TRPM1: variants seen among roughly 807,000 people sequenced by gnomAD.
The protein encoded by TRPM1 is TRPM1-203 APA Isoform, Intron 10.
In TRPM1, 113 loss-of-function variants were observed where a neutral mutation model predicts 149.4. The observed-to-expected ratio is 0.76, with a 90% CI of 0.65 to 0.88. The LOEUF is 0.88. Ranked by LOEUF, TRPM1 falls within the 40% of genes least tolerant of loss-of-function variation. TRPM1 has a pLI of 0.00. For missense variants in TRPM1, 1,976 were observed against 2,038.7 expected, an observed-to-expected ratio of 0.97 and a Z score of 0.59; for synonymous variants, 741 against 759.5, an observed-to-expected ratio of 0.98 and a Z score of 0.40.
chr15:31,130,755 A>G (rs1020117448), intron 1 of TRPM1, among the ~76,000 whole-genome samples: 1 of 152,088 alleles, frequency 6.6e-6, no homozygotes, highest in Non-Finnish European at 1.5e-5. Flanking sequence ...TTGCCCCTCT[A>G]TGATTTCATC....
Position 31,049,429 on chromosome 15 carries a change from T to C in TRPM1, c.1518A>G (p.Gly506=). The C allele has an allele frequency of 6.2e-7, 1 of 1,614,162 alleles. No homozygotes were observed. The highest frequency in any genetic ancestry group is 8.5e-7 in the Non-Finnish European group (1 of 1,180,024). The change falls in exon 13 of 28, where the codon GGA becomes GGG. Residue 506 remains glycine (G), a synonymous_variant. Coordinates refer to ENST00000256552, the MANE Select transcript of TRPM1 (RefSeq NM_001252024.2). Reference sequence around the variant, plus strand: ...TGGTCAGAAAGTGTTGCATGTTCACTCCGTTTTCAATCAGGAGCTTCACAA... The same window carrying C: ...TGGTCAGAAAGTGTTGCATGTTCACCCCGTTTTCAATCAGGAGCTTCACAA... The part of the protein sequence containing the change: ...VDFVKLLIEN[G]VNMQHFLTIP...
At chr15:31,148,527 C>T (rs2036252509) in intron 1 of TRPM1, among the ~76,000 whole-genome samples, 1 of 152,190 alleles carries the variant, frequency 6.6e-6, no homozygotes, top group Non-Finnish European at 1.5e-5. Flanking sequence ...GCTTCAAGGC[C>T]TCCCTCAGTG....
chr15:31,056,202 C>T (rs1384913327), intron 11 of TRPM1, among the ~76,000 whole-genome samples: 1 of 152,044 alleles, frequency 6.6e-6, no homozygotes, highest in Non-Finnish European at 1.5e-5. Context: ...AGTTGCTTGA[C>T]TAATAGAAAA....
intron 5 of TRPM1, 132 bp downstream of exon 5, chr15:31,067,747 C>G (rs902508588): frequency 5.6e-6 from 5 of 899,796 alleles, no homozygotes; most frequent in Non-Finnish European, 8.9e-6. Flanking sequence ...GGAATAAAGA[C>G]TTCACTTTAG....
chr15:31,072,018 T>TATATATATATAGAGAG (rs1400392427), intron 3 of TRPM1, among the ~76,000 whole-genome samples: 3 of 36,910 alleles, frequency 8.1e-5, no homozygotes, highest in African/African-American at 2.2e-4. Context: ...TATATATATA[T>TATATATATATAGAGAG]AGAGAGAGAG....
chr15:31,017,316 A>C (rs1394652819), intron 27 of TRPM1, among the ~76,000 whole-genome samples: 1 of 152,210 alleles, frequency 6.6e-6, no homozygotes, highest in Non-Finnish European at 1.5e-5. Flanking sequence ...CTCAAAATAC[A>C]TAAATAAAAT....
At chr15:31,060,249 G>A in intron 11 of TRPM1, 1 of 478,984 alleles carries the variant, frequency 2.1e-6, no homozygotes, top group Non-Finnish European at 3.8e-6. Context: ...ATTTTAATAA[G>A]CTATTTTATT....
chr15:31,113,517 A>T (rs759347122), intron 1 of TRPM1, among the ~76,000 whole-genome samples: 6 of 152,082 alleles, frequency 3.9e-5, no homozygotes, highest in Non-Finnish European at 8.8e-5. Context: ...AATTTTCCAA[A>T]CTGTCAAAAA....
intron 1 of TRPM1, among the ~76,000 whole-genome samples, chr15:31,139,959 C>T (rs55905993): frequency 0.17 from 25,524 of 152,090 alleles, 2,615 homozygotes; most frequent in African/African-American, 0.29. Context: ...ATTCACGAAA[C>T]GTTTAAGGCA....
chr15:31,006,994 T>C (rs2032014080), intron 27 of TRPM1, among the ~76,000 whole-genome samples: 1 of 152,172 alleles, frequency 6.6e-6, no homozygotes, highest in African/African-American at 2.4e-5. Flanking sequence ...GGTTTTAGAG[T>C]TCTTTAGATA....
At position 31,062,662 on chromosome 15, in the gene TRPM1, T is replaced by C. The variant is rs762409543; in HGVS notation, c.1006A>G (p.Ile336Val). The C allele has an allele frequency of 9.9e-6, 16 of 1,614,168 alleles. No homozygotes were observed. The Admixed American group carries it at 2.5e-4, about 25-fold the overall frequency. ...TTATTATAATTAAATGTTTTCTGAA[T>C]GGTAACTAGAAGCTGCTCCCTGAGG... ...ESLREQLLVT[I>V]QKTFNYNKAQ... Residue 336 changes from isoleucine to valine, a missense_variant, in exon 9 of 28, where the codon ATT becomes GTT. Around this residue, in one of 3 missense-constraint regions of TRPM1, gnomAD observed 1,332 missense variants for 1,347.1 expected, o/e 0.99. Coordinates refer to ENST00000256552, the MANE Select transcript of TRPM1 (RefSeq NM_001252024.2).
intron 1 of TRPM1, among the ~76,000 whole-genome samples, chr15:31,149,814 A>T (rs184588734): frequency 4.6e-5 from 7 of 152,292 alleles, no homozygotes; most frequent in Admixed American, 3.3e-4. Flanking sequence ...CCACGGCGCC[A>T]GGCCGTGCAT....
intron 23 of TRPM1, among the ~76,000 whole-genome samples, chr15:31,029,693 A>G (rs1177450196): frequency 6.6e-6 from 1 of 152,222 alleles, no homozygotes; most frequent in Non-Finnish European, 1.5e-5. Flanking sequence ...TGTGAAAAAG[A>G]CATGATGTTA....
At chr15:31,084,146 C>G (rs2034936003) in intron 1 of TRPM1, among the ~76,000 whole-genome samples, 1 of 152,174 alleles carries the variant, frequency 6.6e-6, no homozygotes, top group South Asian at 2.1e-4. Flanking sequence ...GTCCAGGAAA[C>G]AGAGCTGGAT....
intron 7 of TRPM1, among the ~76,000 whole-genome samples, chr15:31,063,755 G>T (rs2034298481): frequency 6.6e-6 from 1 of 152,146 alleles, no homozygotes; most frequent in Non-Finnish European, 1.5e-5. Flanking sequence ...GCCCAGCCCA[G>T]TTATCATTCT....
chr15:31,041,995 A>G lies in TRPM1; in HGVS notation c.2043T>C (p.Ser681=), dbSNP rs756882483. The G allele has an allele frequency of 2.4e-5, 38 of 1,611,786 alleles. No individual in the cohort carries two copies. The highest frequency in any genetic ancestry group is 3.0e-5 in the Non-Finnish European group (35 of 1,179,210). The change falls in exon 17 of 28, where the codon AGT becomes AGC. Residue 681 remains serine (S), a synonymous_variant. Transcript: ENST00000256552. ...YKAMAHESSE[S]DLVDDISQDL... is the part of the protein sequence containing the mutation. ...CCTGGGAGATGTCATCCACCAGATC[A>G]CTCTCGGAGGACTCGTGGGCCATGG...
rs534189958 is a variant in TRPM1 at position 31,113,081 on chromosome 15, G to A, written c.55-36097C>T. Among the ~76,000 whole-genome samples, 331 of 152,254 alleles carry A rather than the reference G, an allele frequency of 2.2e-3. 4 individuals are homozygous for A. The highest frequency in any genetic ancestry group is 7.6e-3 in the African/African-American group (314 of 41,558). Reference sequence around the variant, plus strand: ...AGGCTGGAGCAGGTTCCTGACAGTAGAACCCCTGTCCAGGGCTGCTGTCTT... The same window carrying A: ...AGGCTGGAGCAGGTTCCTGACAGTAAAACCCCTGTCCAGGGCTGCTGTCTT... On this transcript the variant is annotated intron_variant, in intron 1 of 26. Coordinates refer to the TRPM1 transcript ENST00000542188.
chr15:31,116,874 A>G (rs2035805022), intron 1 of TRPM1, among the ~76,000 whole-genome samples: 1 of 152,122 alleles, frequency 6.6e-6, no homozygotes, highest in East Asian at 1.9e-4. Context: ...TTAAAGGCCT[A>G]TTTACCTCAC....
Position 31,002,599 on chromosome 15 carries a change from G to C in TRPM1, c.4101C>G (p.Asp1367Glu). The C allele has an allele frequency of 6.2e-7, 1 of 1,614,084 alleles. No homozygotes were observed. Among genetic ancestry groups the C allele is most frequent in the Non-Finnish European group, 8.5e-7 (1 of 1,180,024 alleles). The stretch of plus-strand genomic sequence containing the variant: ...ATTTTGACTCTTCAGCGTTCTTTAA[G>C]TCATCTACTGCAAGGTGACTGCCAT... The part of the protein sequence containing the change: ...TPDGSHLAVD[D>E]LKNAEESKLG... Residue 1367 changes from aspartate (D) to glutamate (E), a missense_variant, in exon 28 of 28, where the codon GAC becomes GAG. Asp to Glu is a conservative substitution (Grantham distance 45). This residue lies in a region of TRPM1 where 572 missense variants were observed against 578.9 expected (regional missense o/e 0.99). Transcript: ENST00000256552.
Sources: allele counts gnomAD v4.1 joint callset (sites outside exome capture counted in the v4.1 genomes callset), GRCh38; gene constraint gnomAD v4.1.1; regional missense constraint gnomAD v4.1.1; transcripts MANE v1.5; gene names NCBI Gene and HGNC (gene_info 2026-07-23, HGNC 2026-07-21).